SLC25A47: variants seen among roughly 807,000 people sequenced by gnomAD.
SLC25A47 encodes the protein solute carrier family 25 member 47, also known as HCC-down-regulated mitochondrial carrier protein.
In SLC25A47, 30 loss-of-function variants were observed where a neutral mutation model predicts 29.8. The observed-to-expected ratio is 1.01, with a 90% CI of 0.75 to 1.36. SLC25A47 has a LOEUF of 1.36. Ranked by LOEUF, SLC25A47 falls within the 40% of genes most tolerant of loss-of-function variation. The pLI is 0.00. For synonymous variants in SLC25A47, 204 were observed against 197.8 expected, an observed-to-expected ratio of 1.03 and a Z score of -0.26; for missense variants, 430 against 441.9, an observed-to-expected ratio of 0.97 and a Z score of 0.24.
At position 100,329,857 on chromosome 14, in the gene SLC25A47, G is replaced by C. The variant is rs1200260622; in HGVS notation, c.*212G>C. 1.5e-6 allele frequency: 1 copy of C among 676,686 alleles called. No homozygotes were observed. Among genetic ancestry groups the C allele is most frequent in the East Asian group, 2.8e-5 (1 of 35,982 alleles). The allele number at this position is 676,686 out of a possible 1,614,324, so 41.9% of individuals were successfully genotyped here. ...GAGGGGCCCGCCAGCCATCAGCCAG[G>C]GTTGGCCTAGGGTGGCAGGAGCCAG... On this transcript the variant is annotated 3_prime_UTR_variant, in exon 6 of 6. Coordinates refer to ENST00000361529, the MANE Select transcript of SLC25A47 (RefSeq NM_207117.4).
intron 5 of SLC25A47, 138 bp downstream of exon 5, chr14:100,329,182 C>T: frequency 8.2e-7 from 1 of 1,218,042 alleles, no homozygotes; most frequent in Non-Finnish European, 1.1e-6. Context: ...CCTCAGTTCT[C>T]CCAACACCAA....
intron 2 of SLC25A47, 90 bp downstream of exon 2, chr14:100,325,921 C>A: frequency 7.2e-7 from 1 of 1,391,438 alleles, no homozygotes; most frequent in Non-Finnish European, 9.9e-7. Flanking sequence ...ACAGACCCAC[C>A]CCTTTCCTAC....
chr14:100,323,525 C>T, intron 1 of SLC25A47, 83 bp downstream of exon 1: 1 of 1,545,218 alleles, frequency 6.5e-7, no homozygotes, highest in Non-Finnish European at 8.9e-7. Context: ...AGGTGCTGGG[C>T]AGCAGGGTGG....
At chr14:100,329,220 G>C (rs1469288175) in intron 5 of SLC25A47, 145 bp from the exon 6 acceptor site, 1 of 1,187,696 alleles carries the variant, frequency 8.4e-7, no homozygotes, top group Non-Finnish European at 1.2e-6. Flanking sequence ...CTGTGTCACA[G>C]AGTCAGTGTG....
chr14:100,325,413 C>G (rs567375081), intron 1 of SLC25A47, among the ~76,000 whole-genome samples: 2 of 152,232 alleles, frequency 1.3e-5, no homozygotes, highest in Non-Finnish European at 2.9e-5. Context: ...AGGGCAAGGT[C>G]TGCCTGGCTC....
intron 1 of SLC25A47, 139 bp from the exon 2 acceptor site, chr14:100,325,649 T>A: frequency 1.3e-6 from 1 of 771,468 alleles, no homozygotes; most frequent in Non-Finnish European, 2.1e-6. Flanking sequence ...TGAGACCTGG[T>A]GCAGACCAGA....
At chr14:100,326,064 C>A in intron 2 of SLC25A47, 93 bp from the exon 3 acceptor site, 1 of 1,172,698 alleles carries the variant, frequency 8.5e-7, no homozygotes, top group Non-Finnish European at 1.2e-6. Context: ...ATGGCTGGGA[C>A]AATCAAGAGT....
intron 1 of SLC25A47, 149 bp from the exon 2 acceptor site, chr14:100,325,639 T>G: frequency 5.7e-6 from 4 of 703,452 alleles, no homozygotes; most frequent in Middle Eastern, 4.0e-4. Flanking sequence ...TCAGGATTGA[T>G]GAGACCTGGT....
chr14:100,326,850 T>A (rs1893347886), intron 3 of SLC25A47, among the ~76,000 whole-genome samples: 1 of 152,118 alleles, frequency 6.6e-6, no homozygotes. Context: ...GGCAGGCACC[T>A]GTAATCGCAG....
rs189314623 is a variant in SLC25A47, at chr14:100,328,609, G to A, written c.328-117G>A. 540 of 1,083,346 alleles carry A rather than the reference G, an allele frequency of 5.0e-4. 4 individuals carry two copies. The East Asian group carries it at 0.011, about 21-fold the overall frequency. The allele number at this position is 1,083,346 out of a possible 1,614,324, so 67.1% of individuals were successfully genotyped here. On this transcript the variant is annotated intron_variant, in intron 4 of 5. Coordinates refer to ENST00000361529, the MANE Select transcript of SLC25A47 (RefSeq NM_207117.4). ...CCCCCAGCCCTGGGCCAGCCTGCAG[G>A]GTCTCGGGGCCCAACCTCCTGAGGT... is the stretch of plus-strand genomic sequence containing the variant.
At chr14:100,325,726 A>C in intron 1 of SLC25A47, 62 bp from the exon 2 acceptor site, 1 of 1,552,066 alleles carries the variant, frequency 6.4e-7, no homozygotes, top group Non-Finnish European at 8.8e-7. Context: ...GCTTCCCTGC[A>C]ATGGGGTTGA....
At chr14:100,328,617 G>A in intron 4 of SLC25A47, 109 bp from the exon 5 acceptor site, 1 of 1,203,010 alleles carries the variant, frequency 8.3e-7, no homozygotes, top group Admixed American at 1.9e-5. Flanking sequence ...AGGGTCTCGG[G>A]GCCCAACCTC....
chr14:100,325,160 G>A (rs977720397), intron 1 of SLC25A47, among the ~76,000 whole-genome samples: 2 of 152,198 alleles, frequency 1.3e-5, no homozygotes, highest in Non-Finnish European at 2.9e-5. Context: ...TGGCAGTGCT[G>A]GGGCTTGGAT....
At position 100,329,366 on chromosome 14, in the gene SLC25A47, T is replaced by A. The variant is rs758426689; in HGVS notation, c.648T>A (p.Asp216Glu). Reference sequence around the variant, plus strand: ...CAAGGCACTGTGGTCTCTCTGCAGATGTCCCGGGCGTGCTGGTGGCCGGGG... The same window carrying A: ...CAAGGCACTGTGGTCTCTCTGCAGAAGTCCCGGGCGTGCTGGTGGCCGGGG... ...WLSPAGHSRP[D>E]VPGVLVAGGC... Residue 216 changes from aspartate to glutamate, a missense_variant and splice_region_variant, in exon 6 of 6, where the codon GAT becomes GAA. Physicochemically the swap from Asp to Glu is conservative, Grantham distance 45. Transcript: ENST00000361529. 3 of 1,597,068 alleles carry A rather than the reference T, an allele frequency of 1.9e-6. No homozygotes were observed. The South Asian group carries it at 3.4e-5, about 18-fold the overall frequency.
chr14:100,325,814 C>A lies in SLC25A47; in HGVS notation c.55C>A (p.Pro19Thr), dbSNP rs779181320. The change falls in exon 2 of 6, where the codon CCC becomes ACC. Residue 19 changes from proline to threonine, a missense_variant. By Grantham distance (38) the Pro-to-Thr change is conservative. Coordinates refer to ENST00000361529, the MANE Select transcript of SLC25A47 (RefSeq NM_207117.4). Reference protein sequence around the residue: ...GGVCGVAVGYPLDTVKVRIQT... With the variant: ...GGVCGVAVGYTLDTVKVRIQT... ...CGTCTGCGGTGTTGCTGTGGGCTAC[C>A]CCCTGGACACGGTGAAGGTGCGGCA... 3.7e-6 allele frequency: 6 copies of A among 1,612,622 alleles called. No homozygotes were observed. The highest frequency in any genetic ancestry group is 5.1e-6 in the Non-Finnish European group (6 of 1,179,374).
Position 100,323,371 on chromosome 14 carries a change from C to T in SLC25A47, c.-44C>T. The stretch of plus-strand genomic sequence containing the variant: ...AGGCCACCCTGGTGGCACCAAAGCC[C>T]TCTCAGGCAGGCAGACCCAGGGCCT... On this transcript the variant is annotated 5_prime_UTR_variant, in exon 1 of 6. Transcript: ENST00000361529. 1 of 1,611,664 alleles carries T rather than the reference C, an allele frequency of 6.2e-7. No homozygotes were observed. The highest frequency in any genetic ancestry group is 8.5e-7 in the Non-Finnish European group (1 of 1,179,382).
intron 4 of SLC25A47, 147 bp from the exon 5 acceptor site, chr14:100,328,579 G>C: frequency 2.6e-6 from 2 of 776,238 alleles, no homozygotes; most frequent in African/African-American, 1.8e-5. Flanking sequence ...TTTGGGCCCC[G>C]TGGCCCCCCA....
At chr14:100,327,912 A>G (rs945032615) in intron 4 of SLC25A47, among the ~76,000 whole-genome samples, 51 of 152,310 alleles carry the variant, frequency 3.3e-4, no homozygotes, top group African/African-American at 1.1e-3. Context: ...GGTCCAGACC[A>G]CCAGGCCCAG....
chr14:100,324,509 G>A (rs1242126081), intron 1 of SLC25A47, among the ~76,000 whole-genome samples: 2 of 152,240 alleles, frequency 1.3e-5, no homozygotes, highest in Admixed American at 6.5e-5. Context: ...ACAGGCGTGA[G>A]CCACTGCGCC....
Sources: gnomAD v4.1 joint callset for allele counts (sites outside exome capture counted in the v4.1 genomes callset) on GRCh38, gnomAD v4.1.1 for gene constraint, MANE v1.5 for transcripts, NCBI Gene and HGNC (gene_info 2026-07-23, HGNC 2026-07-21) for gene names.